RPH3A: variants seen among roughly 807,000 people sequenced by gnomAD.
The protein encoded by RPH3A is rabphilin-3A.
In RPH3A, 48 loss-of-function variants were observed where a neutral mutation model predicts 102.2. The ratio of observed to expected loss-of-function variants is 0.47; its 90% CI spans 0.37 to 0.60. RPH3A has a LOEUF of 0.60. Ranked by LOEUF, RPH3A falls within the 20% of genes least tolerant of loss-of-function variation. RPH3A has a pLI of 0.00. For missense variants in RPH3A, 781 were observed against 910.1 expected, an observed-to-expected ratio of 0.86 and a Z score of 1.83; for synonymous variants, 310 against 324.3, an observed-to-expected ratio of 0.96 and a Z score of 0.47.
chr12:112,746,361 G>A (rs2040745901), intron 1 of RPH3A, among the ~76,000 whole-genome samples: 1 of 152,092 alleles, frequency 6.6e-6, no homozygotes, highest in Admixed American at 6.5e-5. Context: ...AAATGAAGAA[G>A]CAGAGGTACA....
At chr12:112,855,033 A>G (rs1343350755) in intron 5 of RPH3A, among the ~76,000 whole-genome samples, 1 of 152,194 alleles carries the variant, frequency 6.6e-6, no homozygotes, top group Non-Finnish European at 1.5e-5. Flanking sequence ...TCAGCACCAC[A>G]TTCTCCCAAC....
intron 4 of RPH3A, among the ~76,000 whole-genome samples, chr12:112,843,232 TC>T (rs2042175518): frequency 6.6e-6 from 1 of 152,186 alleles, no homozygotes. Context: ...AGCCATTCTG[TC>T]CCCTGAGAGC....
At chr12:112,596,760 C>G (rs907802311) in intron 1 of RPH3A, among the ~76,000 whole-genome samples, 2 of 152,098 alleles carry the variant, frequency 1.3e-5, no homozygotes, top group African/African-American at 4.8e-5. Flanking sequence ...AAAGTAGACC[C>G]TAGATTTTTA....
At chr12:112,887,696 C>A in intron 16 of RPH3A, 101 bp from the exon 17 acceptor site, 1 of 1,245,216 alleles carries the variant, frequency 8.0e-7, no homozygotes, top group Non-Finnish European at 1.1e-6. Flanking sequence ...TTTCCACATA[C>A]ATTACACATT....
chr12:112,880,804 T>A (rs190623036), intron 14 of RPH3A, among the ~76,000 whole-genome samples: 84 of 152,370 alleles, frequency 5.5e-4, no homozygotes, highest in Non-Finnish European at 1.0e-3. Context: ...TTAGGTATTA[T>A]GTACTGTATT....
intron 1 of RPH3A, among the ~76,000 whole-genome samples, chr12:112,626,535 C>T (rs1345061443): frequency 1.4e-5 from 2 of 140,704 alleles, no homozygotes; most frequent in African/African-American, 5.3e-5. Flanking sequence ...GTTAGAATGG[C>T]AATCATTAAA....
chr12:112,847,943 C>T, intron 5 of RPH3A, 101 bp downstream of exon 5: 1 of 1,364,744 alleles, frequency 7.3e-7, no homozygotes, highest in South Asian at 1.4e-5. Context: ...GCTGGGCTGC[C>T]TCTGGGCTTT....
At chr12:112,878,195 A>G (rs1029560802) in intron 13 of RPH3A, among the ~76,000 whole-genome samples, 1 of 152,190 alleles carries the variant, frequency 6.6e-6, no homozygotes, top group Non-Finnish European at 1.5e-5. Context: ...TTCTGCTCTG[A>G]AAATGCCCTG....
chr12:112,726,082 A>AC (rs2040587940), intron 1 of RPH3A, among the ~76,000 whole-genome samples: 1 of 137,244 alleles, frequency 7.3e-6, no homozygotes, highest in African/African-American at 2.7e-5. Flanking sequence ...GGCGTGAGCC[A>AC]CCGCACCCAG....
At chr12:112,704,998 G>T (rs1040848849) in intron 1 of RPH3A, among the ~76,000 whole-genome samples, 4 of 152,174 alleles carry the variant, frequency 2.6e-5, no homozygotes, top group African/African-American at 7.2e-5. Context: ...CTTTAAATTA[G>T]GTAGTTTGCT....
chr12:112,670,194 T>A (rs1168805280), intron 1 of RPH3A, among the ~76,000 whole-genome samples: 1 of 152,206 alleles, frequency 6.6e-6, no homozygotes, highest in African/African-American at 2.4e-5. Flanking sequence ...TTCTTTGTTT[T>A]TTCTCTGAGA....
intron 16 of RPH3A, among the ~76,000 whole-genome samples, chr12:112,886,967 A>G (rs2043011687): frequency 6.6e-6 from 1 of 152,212 alleles, no homozygotes; most frequent in South Asian, 2.1e-4. Flanking sequence ...ACATACTATG[A>G]CCCATCCAGA....
intron 5 of RPH3A, among the ~76,000 whole-genome samples, chr12:112,849,121 GA>G (rs2042279944): frequency 6.6e-6 from 1 of 152,180 alleles, no homozygotes; most frequent in African/African-American, 2.4e-5. Flanking sequence ...GGGGGTTAAC[GA>G]GGTTCTTGGA....
At chr12:112,875,594 C>T (rs1402162681) in intron 11 of RPH3A, 85 bp from the exon 12 acceptor site, 2 of 1,209,508 alleles carry the variant, frequency 1.7e-6, no homozygotes, top group South Asian at 1.2e-5. Context: ...TGTGTCCACA[C>T]CTGTGAAATG....
At chr12:112,743,482 G>C (rs1407412394) in intron 1 of RPH3A, among the ~76,000 whole-genome samples, 2 of 152,224 alleles carry the variant, frequency 1.3e-5, no homozygotes, top group Non-Finnish European at 2.9e-5. Context: ...TGCTCACTCT[G>C]CAAGCATGTC....
At chr12:112,891,424 TG>T (rs2043092755) in intron 19 of RPH3A, among the ~76,000 whole-genome samples, 6 of 152,232 alleles carry the variant, frequency 3.9e-5, no homozygotes, top group Admixed American at 2.0e-4. Context: ...GTCTGGGGTC[TG>T]TTCCAGCAAT....
At chr12:112,776,197 T>A (rs1341176914) in intron 1 of RPH3A, among the ~76,000 whole-genome samples, 1 of 152,230 alleles carries the variant, frequency 6.6e-6, no homozygotes, top group African/African-American at 2.4e-5. Flanking sequence ...ATATCTACTA[T>A]GAGTGAAGAA....
chr12:112,592,569 T>G (rs2039487393), intron 1 of RPH3A, among the ~76,000 whole-genome samples: 1 of 152,234 alleles, frequency 6.6e-6, no homozygotes, highest in Admixed American at 6.5e-5. Context: ...TCTGCCCGCC[T>G]TGGCCTTCCA....
At chr12:112,673,758 C>G (rs2040152026) in intron 1 of RPH3A, among the ~76,000 whole-genome samples, 1 of 152,170 alleles carries the variant, frequency 6.6e-6, no homozygotes, top group Non-Finnish European at 1.5e-5. Context: ...CTTGTGCTAT[C>G]AAATCGTAGG....
Sources: gnomAD v4.1 joint callset for allele counts (sites outside exome capture counted in the v4.1 genomes callset) on GRCh38, gnomAD v4.1.1 for gene constraint, MANE v1.5 for transcripts, NCBI Gene and HGNC (gene_info 2026-07-23, HGNC 2026-07-21) for gene names.